SMIM14: variants seen among roughly 807,000 people sequenced by gnomAD.
The protein encoded by SMIM14 is chromosome 4 open reading frame 34.
A neutral mutation model predicts 12.6 loss-of-function variants in SMIM14; 5 were observed. The ratio of observed to expected loss-of-function variants is 0.40; its 90% CI spans 0.21 to 0.83. The LOEUF (loss-of-function observed/expected upper bound fraction) is 0.83, where lower values mean the gene tolerates loss of function less well. Among genes scored for constraint, SMIM14 ranks in the 40% least tolerant of loss-of-function variants. The pLI is 0.37. For missense variants in SMIM14, 86 were observed against 119.1 expected, an observed-to-expected ratio of 0.72 and a Z score of 1.29; for synonymous variants, 30 against 40.1, an observed-to-expected ratio of 0.75 and a Z score of 0.95.
intron 1 of SMIM14, among the ~76,000 whole-genome samples, chr4:39,633,714 C>G (rs563641928): frequency 1.3e-5 from 2 of 152,202 alleles, no homozygotes; most frequent in Admixed American, 1.3e-4. Flanking sequence ...GCCATGATCA[C>G]GCCACTAAAT....
At position 39,638,848 on chromosome 4, in the gene SMIM14, C is replaced by G. The variant is rs1716209571; in HGVS notation, c.-145G>C. ...GCTGCGGCTGCTCCGGACGCTGCTG[C>G]CACTGCCGTTTCTGGCCGCCGGCTT... On this transcript the variant is annotated 5_prime_UTR_variant, in exon 1 of 5. Transcript: ENST00000295958. The G allele has an allele frequency of 1.0e-6, 1 of 985,750 alleles. No individual in the cohort carries two copies. Among genetic ancestry groups the G allele is most frequent in the Non-Finnish European group, 1.2e-6 (1 of 830,296 alleles). 61.1% of individuals were successfully genotyped at this position (985,750 alleles called of 1,614,324 possible).
intron 2 of SMIM14, among the ~76,000 whole-genome samples, chr4:39,576,996 C>A: frequency 6.6e-6 from 1 of 151,578 alleles, no homozygotes; most frequent in Non-Finnish European, 1.5e-5. Flanking sequence ...CAGTCATGAG[C>A]CACCACACCT....
chr4:39,609,514 CA>C (rs1355128059), intron 1 of SMIM14, among the ~76,000 whole-genome samples: 4 of 151,892 alleles, frequency 2.6e-5, no homozygotes, highest in African/African-American at 4.8e-5. Context: ...ATTCTAGACA[CA>C]AAGGGAAAAG....
chr4:39,622,528 G>A (rs918097303), intron 1 of SMIM14, among the ~76,000 whole-genome samples: 10 of 152,178 alleles, frequency 6.6e-5, no homozygotes, highest in Non-Finnish European at 1.0e-4. Flanking sequence ...AGCCTCCCAA[G>A]TAGCTGGGAT....
intron 1 of SMIM14, chr4:39,638,525 T>A (rs1221142609): frequency 1.0e-6 from 1 of 985,382 alleles, no homozygotes. Flanking sequence ...GAATACCCAA[T>A]TGCAGGCTCT....
intron 2 of SMIM14, among the ~76,000 whole-genome samples, chr4:39,602,737 T>G (rs1386944403): frequency 1.3e-5 from 2 of 152,192 alleles, no homozygotes; most frequent in Non-Finnish European, 2.9e-5. Context: ...ATTTAATGTA[T>G]AAGTTCTTAT....
At chr4:39,578,260 G>A (rs1474973078) in intron 2 of SMIM14, among the ~76,000 whole-genome samples, 3 of 152,058 alleles carry the variant, frequency 2.0e-5, no homozygotes, top group South Asian at 2.1e-4. Flanking sequence ...CAATCCTCCC[G>A]CCCCAGGCTC....
At chr4:39,595,710 G>A (rs1465631909) in intron 2 of SMIM14, among the ~76,000 whole-genome samples, 3 of 150,974 alleles carry the variant, frequency 2.0e-5, no homozygotes, top group Admixed American at 2.0e-4. Context: ...CTGGGCTCAA[G>A]CGATTCTCCC....
At chr4:39,615,719 C>A (rs1715198817) in intron 1 of SMIM14, among the ~76,000 whole-genome samples, 1 of 152,064 alleles carries the variant, frequency 6.6e-6, no homozygotes, top group African/African-American at 2.4e-5. Context: ...AACTAAAAAA[C>A]TGGATGTGGA....
intron 1 of SMIM14, among the ~76,000 whole-genome samples, chr4:39,626,381 C>T (rs1280538511): frequency 6.6e-6 from 1 of 152,186 alleles, no homozygotes; most frequent in African/African-American, 2.4e-5. Flanking sequence ...CAGCAGTTCT[C>T]GCCCACTCAA....
At chr4:39,600,551 G>A (rs1445004782) in intron 2 of SMIM14, among the ~76,000 whole-genome samples, 4 of 152,060 alleles carry the variant, frequency 2.6e-5, no homozygotes, top group East Asian at 1.9e-4. Context: ...TTAGCCGAGC[G>A]TGGTGGCAGG....
At chr4:39,586,450 C>A (rs1249248224) in intron 2 of SMIM14, among the ~76,000 whole-genome samples, 1 of 151,996 alleles carries the variant, frequency 6.6e-6, no homozygotes, top group Non-Finnish European at 1.5e-5. Context: ...TGCCTTTTCT[C>A]CATTGTCCAG....
At chr4:39,554,888 T>C (rs1442128795) in intron 4 of SMIM14, among the ~76,000 whole-genome samples, 1 of 144,126 alleles carries the variant, frequency 6.9e-6, no homozygotes, top group East Asian at 2.0e-4. Context: ...TAGCCTGGAG[T>C]GCAATGGCAC....
Position 39,550,839 on chromosome 4 carries a change from A to C in SMIM14, c.*1287T>G, listed in dbSNP as rs986228548. ...TAGGTCAGAGGATAACAAAAGACTC[A>C]ATGTAGTAAATAAGTAAATAGGCAT... On this transcript the variant is annotated 3_prime_UTR_variant, in exon 5 of 5. Transcript: ENST00000295958. 2 of 152,168 alleles carry C rather than the reference A, an allele frequency of 1.3e-5. No homozygotes were observed. The highest frequency in any genetic ancestry group is 2.4e-5 in the African/African-American group (1 of 41,458). 9.4% of individuals were successfully genotyped at this position (152,168 alleles called of 1,614,324 possible).
intron 1 of SMIM14, among the ~76,000 whole-genome samples, chr4:39,622,643 C>T (rs537904900): frequency 8.4e-4 from 128 of 152,280 alleles, no homozygotes; most frequent in African/African-American, 2.6e-3. Flanking sequence ...TCAAGTGATC[C>T]GCCGCCTCTG....
intron 1 of SMIM14, among the ~76,000 whole-genome samples, chr4:39,626,969 G>A (rs1294579029): frequency 5.9e-5 from 9 of 152,130 alleles, no homozygotes; most frequent in Admixed American, 5.9e-4. Flanking sequence ...AAATAACACA[G>A]ACTGGGTAAC....
intron 2 of SMIM14, among the ~76,000 whole-genome samples, chr4:39,582,437 G>C (rs1337598322): frequency 1.3e-5 from 2 of 151,068 alleles, no homozygotes; most frequent in African/African-American, 4.9e-5. Context: ...AGCCGAGGCA[G>C]GTGGATCACT....
At chr4:39,580,124 G>A (rs1460697880) in intron 2 of SMIM14, among the ~76,000 whole-genome samples, 6 of 152,114 alleles carry the variant, frequency 3.9e-5, no homozygotes, top group Non-Finnish European at 8.8e-5. Flanking sequence ...AGCTGCCAAT[G>A]AACTGACAAA....
intron 1 of SMIM14, among the ~76,000 whole-genome samples, chr4:39,625,672 C>A (rs1715671384): frequency 6.6e-6 from 1 of 152,192 alleles, no homozygotes; most frequent in Non-Finnish European, 1.5e-5. Context: ...AACTCCTGAC[C>A]TCTGGTGATC....
Sources: gnomAD v4.1 joint callset for allele counts (sites outside exome capture counted in the v4.1 genomes callset) on GRCh38, gnomAD v4.1.1 for gene constraint, MANE v1.5 for transcripts, NCBI Gene and HGNC (gene_info 2026-07-23, HGNC 2026-07-21) for gene names.